CALN1: variants seen among roughly 807,000 people sequenced by gnomAD.
CALN1 encodes the protein calcium-binding protein 8.
Under a neutral mutation model 30.6 loss-of-function variants are expected in CALN1, and 17 were observed. That is an observed-to-expected ratio of 0.56 (90% confidence interval 0.38 to 0.83). The LOEUF is 0.83. Ranked by LOEUF, CALN1 falls within the 40% of genes least tolerant of loss-of-function variation. The pLI, the probability that CALN1 is intolerant of heterozygous loss-of-function variation, is 0.00. For synonymous variants in CALN1, 156 were observed against 131.4 expected (o/e 1.19, Z -1.28); for missense variants, 291 against 354.9 (o/e 0.82, Z 1.45).
At chr7:72,017,778 T>C (rs1800482896) in intron 5 of CALN1, among the ~76,000 whole-genome samples, 1 of 152,132 alleles carries the variant, frequency 6.6e-6, no homozygotes, top group African/African-American at 2.4e-5. Flanking sequence ...TAAGGTTTGA[T>C]TGTGAATAAG....
chr7:72,016,319 G>A (rs1800377282), intron 5 of CALN1, among the ~76,000 whole-genome samples: 1 of 150,450 alleles, frequency 6.6e-6, no homozygotes, highest in Non-Finnish European at 1.5e-5. Flanking sequence ...ATGCATAACA[G>A]ATTTGCAGTC....
At chr7:71,944,934 T>C (rs6944338) in intron 5 of CALN1, among the ~76,000 whole-genome samples, 104,786 of 150,988 alleles carry the variant, frequency 0.69, 37,063 homozygotes, top group Non-Finnish European at 0.74. Flanking sequence ...TCTAGCTAAG[T>C]GATATAGTTT....
chr7:72,026,776 T>C (rs1387232864), intron 4 of CALN1, among the ~76,000 whole-genome samples: 2 of 152,154 alleles, frequency 1.3e-5, no homozygotes, highest in African/African-American at 2.4e-5. Flanking sequence ...TAGAACAAGA[T>C]ATTTGCCTAC....
intron 5 of CALN1, among the ~76,000 whole-genome samples, chr7:72,015,682 G>C (rs577591074): frequency 6.6e-6 from 1 of 152,184 alleles, no homozygotes; most frequent in Admixed American, 6.5e-5. Context: ...GTGCTCAAGA[G>C]AGCCTCCCAC....
intron 5 of CALN1, among the ~76,000 whole-genome samples, chr7:72,012,952 C>T (rs576031878): frequency 2.0e-5 from 3 of 152,244 alleles, no homozygotes; most frequent in Non-Finnish European, 4.4e-5. Context: ...CACGCCACCA[C>T]GCTTGGCTGA....
intron 3 of CALN1, among the ~76,000 whole-genome samples, chr7:72,111,023 T>C (rs974595205): frequency 3.3e-5 from 5 of 152,186 alleles, no homozygotes; most frequent in African/African-American, 1.2e-4. Context: ...TGTTGTGTGC[T>C]TTTCACCGAA....
At position 71,783,395 on chromosome 7, in the gene CALN1, T is replaced by C. The variant is rs937152983; in HGVS notation, c.*4380A>G. The C allele has an allele frequency of 1.3e-5, 2 of 152,044 alleles. No individual in the cohort carries two copies. Among genetic ancestry groups the C allele is most frequent in the Admixed American group, 6.6e-5 (1 of 15,252 alleles). The allele number at this position is 152,044 out of a possible 1,614,324, so 9.4% of individuals were successfully genotyped here. On this transcript the variant is annotated 3_prime_UTR_variant, in exon 7 of 7. Transcript: ENST00000395275. Reference sequence around the variant, plus strand: ...CCCCCCTGTTATCTTGGTGAAATGGTAAAAAATGTAATGACTATGGGCCTT... The same window carrying C: ...CCCCCCTGTTATCTTGGTGAAATGGCAAAAAATGTAATGACTATGGGCCTT...
chr7:72,233,075 CT>C (rs1794223433), intron 3 of CALN1, among the ~76,000 whole-genome samples: 1 of 151,462 alleles, frequency 6.6e-6, no homozygotes, highest in Non-Finnish European at 1.5e-5. Flanking sequence ...TTATTAAGTT[CT>C]TTCTCTGATT....
intron 3 of CALN1, among the ~76,000 whole-genome samples, chr7:72,192,257 C>T (rs1193842783): frequency 2.0e-5 from 3 of 152,190 alleles, no homozygotes; most frequent in Non-Finnish European, 4.4e-5. Flanking sequence ...CTGTAGGCAA[C>T]TGTAACACAA....
chr7:72,362,942 G>A (rs935844536), intron 2 of CALN1, among the ~76,000 whole-genome samples: 13 of 152,172 alleles, frequency 8.5e-5, no homozygotes, highest in African/African-American at 2.4e-4. Flanking sequence ...CACCTGTCCC[G>A]TCACAGGCCA....
At chr7:71,987,692 T>C (rs1234918529) in intron 5 of CALN1, among the ~76,000 whole-genome samples, 1 of 152,204 alleles carries the variant, frequency 6.6e-6, no homozygotes, top group Non-Finnish European at 1.5e-5. Flanking sequence ...GTGGAGTCTT[T>C]GAAAGATTTT....
chr7:72,025,037 G>A (rs758001338), intron 4 of CALN1, among the ~76,000 whole-genome samples: 1 of 152,138 alleles, frequency 6.6e-6, no homozygotes, highest in Non-Finnish European at 1.5e-5. Context: ...CTGGCCAGGT[G>A]CGGTGGCTCA....
At chr7:72,354,990 T>A (rs1803145733) in intron 2 of CALN1, among the ~76,000 whole-genome samples, 1 of 151,594 alleles carries the variant, frequency 6.6e-6, no homozygotes, top group East Asian at 2.0e-4. Flanking sequence ...GCTCACTGCA[T>A]CCTCCACCTC....
At chr7:72,405,426 C>G (rs536095527) in intron 1 of CALN1, among the ~76,000 whole-genome samples, 1 of 152,254 alleles carries the variant, frequency 6.6e-6, no homozygotes, top group African/African-American at 2.4e-5. Flanking sequence ...TGGTGGAAGG[C>G]AAAGGGCAAA....
intron 4 of CALN1, among the ~76,000 whole-genome samples, chr7:72,077,632 C>G (rs190527073): frequency 6.6e-6 from 1 of 152,226 alleles, no homozygotes; most frequent in East Asian, 1.9e-4. Flanking sequence ...TCAAAGGAGT[C>G]TTGTTTTCCC....
At chr7:72,267,709 T>G (rs1796689455) in intron 3 of CALN1, among the ~76,000 whole-genome samples, 1 of 152,194 alleles carries the variant, frequency 6.6e-6, no homozygotes, top group Admixed American at 6.5e-5. Context: ...AAAAATGTAG[T>G]TAGTAACAGT....
At chr7:72,058,605 G>A (rs575436324) in intron 4 of CALN1, among the ~76,000 whole-genome samples, 8 of 152,126 alleles carry the variant, frequency 5.3e-5, no homozygotes, top group East Asian at 3.9e-4. Context: ...AGGCACAAGC[G>A]ACCATGCCTG....
intron 1 of CALN1, among the ~76,000 whole-genome samples, chr7:72,432,200 G>A (rs1808000379): frequency 6.6e-6 from 1 of 152,080 alleles, no homozygotes; most frequent in African/African-American, 2.4e-5. Context: ...AGACCTGATG[G>A]TTCTATAAAG....
intron 3 of CALN1, among the ~76,000 whole-genome samples, chr7:72,198,710 G>A (rs546189276): frequency 5.9e-4 from 90 of 152,240 alleles, no homozygotes; most frequent in African/African-American, 1.9e-3. Context: ...TCAAAACTGG[G>A]CCAGAAAAGA....
Sources: allele counts gnomAD v4.1 joint callset (sites outside exome capture counted in the v4.1 genomes callset), GRCh38; gene constraint gnomAD v4.1.1; transcripts MANE v1.5; gene names NCBI Gene and HGNC (gene_info 2026-07-23, HGNC 2026-07-21).